The following PLCB1 variants were observed in gnomAD, a reference collection of about 807,000 sequenced individuals.
PLCB1 encodes the protein phospholipase C beta 1.
A neutral mutation model predicts 161.8 loss-of-function variants in PLCB1; 46 were observed. The ratio of observed to expected loss-of-function variants is 0.28; its 90% confidence interval spans 0.22 to 0.36. The LOEUF (loss-of-function observed/expected upper bound fraction) is 0.36. Among genes scored for constraint, PLCB1 ranks in the 10% least tolerant of loss-of-function variants. The probability of loss-of-function intolerance (pLI) is 1.00; values close to 1 mark genes in which losing one functional copy is unlikely to be tolerated. For synonymous variants in PLCB1, 517 were observed against 503.7 expected (o/e 1.03, Z -0.35); for missense variants, 1,016 against 1,472.5 (o/e 0.69, Z 5.07).
intron 2 of PLCB1, among the ~76,000 whole-genome samples, chr20:8,173,409 C>G (rs1425746795): frequency 6.6e-6 from 1 of 152,152 alleles, no homozygotes; most frequent in East Asian, 1.9e-4. Context: ...CTCATATCAT[C>G]TAAACCAAGC....
intron 3 of PLCB1, among the ~76,000 whole-genome samples, chr20:8,461,655 A>G (rs1472435991): frequency 6.6e-6 from 1 of 152,148 alleles, no homozygotes; most frequent in East Asian, 1.9e-4. Context: ...TTGCAATCCA[A>G]TTGAGAGGTT....
chr20:8,423,010 G>A (rs1979604447), intron 3 of PLCB1, among the ~76,000 whole-genome samples: 1 of 152,178 alleles, frequency 6.6e-6, no homozygotes, highest in Non-Finnish European at 1.5e-5. Context: ...CTGGCACAGA[G>A]CAAACACTAT....
chr20:8,383,923 A>T (rs1280760083), intron 3 of PLCB1, among the ~76,000 whole-genome samples: 2 of 152,128 alleles, frequency 1.3e-5, no homozygotes, highest in African/African-American at 4.8e-5. Context: ...TTTGTAGGTG[A>T]CCTGGCCTTT....
intron 3 of PLCB1, among the ~76,000 whole-genome samples, chr20:8,488,441 G>A (rs1263270828): frequency 6.6e-6 from 1 of 152,028 alleles, no homozygotes; most frequent in African/African-American, 2.4e-5. Context: ...ATAAATCATG[G>A]GACAATTATT....
chr20:8,802,107 G>A, intron 31 of PLCB1: 1 of 1,613,500 alleles, frequency 6.2e-7, no homozygotes, highest in Non-Finnish European at 8.5e-7. Context: ...GGATCCCTCT[G>A]TTTCCCCCAA....
At chr20:8,846,176 A>G (rs1435231170) in intron 31 of PLCB1, among the ~76,000 whole-genome samples, 1 of 152,166 alleles carries the variant, frequency 6.6e-6, no homozygotes, top group East Asian at 1.9e-4. Context: ...CACTTCTTAC[A>G]TGGCTGGAGC....
At chr20:8,311,189 A>G (rs771334939) in intron 2 of PLCB1, among the ~76,000 whole-genome samples, 8 of 152,234 alleles carry the variant, frequency 5.3e-5, no homozygotes, top group African/African-American at 9.6e-5. Context: ...TTCACTGTAT[A>G]TAAATTTTAC....
intron 3 of PLCB1, among the ~76,000 whole-genome samples, chr20:8,470,887 T>A (rs2122714632): frequency 6.6e-6 from 1 of 152,294 alleles, no homozygotes; most frequent in Admixed American, 6.5e-5. Flanking sequence ...TTTGATTTGG[T>A]CTTGTTTTGT....
chr20:8,815,368 T>C (rs991702680), intron 31 of PLCB1, among the ~76,000 whole-genome samples: 4 of 152,212 alleles, frequency 2.6e-5, no homozygotes, highest in Admixed American at 2.6e-4. Context: ...GTTCAGACTG[T>C]AGTGCCATGC....
At chr20:8,298,619 T>C (rs536461804) in intron 2 of PLCB1, among the ~76,000 whole-genome samples, 3 of 151,616 alleles carry the variant, frequency 2.0e-5, no homozygotes, top group African/African-American at 4.8e-5. Flanking sequence ...CAACATGTAA[T>C]GAGTCAGTGT....
chr20:8,429,069 G>A (rs1374937795), intron 3 of PLCB1, among the ~76,000 whole-genome samples: 1 of 152,084 alleles, frequency 6.6e-6, no homozygotes, highest in Non-Finnish European at 1.5e-5. Context: ...TTGTATGCAC[G>A]CAAGCAATAT....
intron 3 of PLCB1, among the ~76,000 whole-genome samples, chr20:8,377,217 C>T (rs541930333): frequency 8.5e-5 from 13 of 152,096 alleles, no homozygotes; most frequent in Non-Finnish European, 1.9e-4. Flanking sequence ...TTTACAGAGC[C>T]ATAGTGGGGA....
At chr20:8,851,348 C>G (rs1986877809) in intron 31 of PLCB1, among the ~76,000 whole-genome samples, 1 of 152,222 alleles carries the variant, frequency 6.6e-6, no homozygotes, top group South Asian at 2.1e-4. Flanking sequence ...TCCTGTTATT[C>G]AAGGTCCCTA....
At chr20:8,334,386 A>G (rs1449535801) in intron 2 of PLCB1, among the ~76,000 whole-genome samples, 1 of 152,250 alleles carries the variant, frequency 6.6e-6, no homozygotes, top group African/African-American at 2.4e-5. Flanking sequence ...AATGGTATAC[A>G]TAAAACATTT....
intron 31 of PLCB1, among the ~76,000 whole-genome samples, chr20:8,867,115 C>T (rs1249543005): frequency 6.6e-6 from 1 of 152,186 alleles, no homozygotes; most frequent in African/African-American, 2.4e-5. Context: ...TTCAGCCTGT[C>T]CCTTGTTTTG....
chr20:8,526,673 C>T (rs1198503618), intron 3 of PLCB1, among the ~76,000 whole-genome samples: 1 of 152,096 alleles, frequency 6.6e-6, no homozygotes, highest in East Asian at 1.9e-4. Flanking sequence ...CAGTCATTGG[C>T]TGCTCTGTTC....
chr20:8,511,769 A>G (rs1341453636), intron 3 of PLCB1, among the ~76,000 whole-genome samples: 1 of 152,150 alleles, frequency 6.6e-6, no homozygotes, highest in Non-Finnish European at 1.5e-5. Context: ...TTCTCTGACA[A>G]TTAGTGATAT....
At chr20:8,543,725 G>C (rs956723811) in intron 3 of PLCB1, among the ~76,000 whole-genome samples, 9 of 151,974 alleles carry the variant, frequency 5.9e-5, no homozygotes, top group East Asian at 1.9e-4. Context: ...GTCATGGGAG[G>C]GACCTTGGGG....
rs73895528 is a variant in PLCB1, at chr20:8,146,392, T to C, written c.100-3902T>C. Reference sequence around the variant, plus strand: ...CTGTAAAATGGGAATAATAATAGTGTCTACCTCTTAAGTTATTGTAAGTAT... The same window carrying C: ...CTGTAAAATGGGAATAATAATAGTGCCTACCTCTTAAGTTATTGTAAGTAT... On this transcript the variant is annotated intron_variant, in intron 1 of 31. Coordinates refer to ENST00000338037, the MANE Select transcript of PLCB1 (RefSeq NM_015192.4). Among the ~76,000 whole-genome samples, 1,272 of 152,334 alleles carry C rather than the reference T, an allele frequency of 8.4e-3. 21 individuals carry two copies. Among genetic ancestry groups the C allele is most frequent in the African/African-American group, 0.028 (1,174 of 41,570 alleles).
Sources: gnomAD v4.1 joint callset for allele counts (sites outside exome capture counted in the v4.1 genomes callset) on GRCh38, gnomAD v4.1.1 for gene constraint, MANE v1.5 for transcripts, NCBI Gene and HGNC (gene_info 2026-07-23, HGNC 2026-07-21) for gene names.